TXNDC16: variants seen among roughly 807,000 people sequenced by gnomAD.
TXNDC16 encodes thioredoxin domain-containing protein 16.
A neutral mutation model predicts 85.6 loss-of-function variants in TXNDC16; 74 were observed. That is an observed-to-expected ratio of 0.86 (90% CI 0.72 to 1.05). TXNDC16 has a LOEUF of 1.05. Among genes scored for constraint, TXNDC16 ranks in the 50% least tolerant of loss-of-function variants. The pLI, the probability that TXNDC16 is intolerant of heterozygous loss-of-function variation, is 0.00. For synonymous variants in TXNDC16, 335 were observed against 326.5 expected (o/e 1.03, Z -0.28); for missense variants, 959 against 947.0 (o/e 1.01, Z -0.17).
At chr14:52,444,933 G>A (rs767708830) in intron 18 of TXNDC16, among the ~76,000 whole-genome samples, 1 of 151,986 alleles carries the variant, frequency 6.6e-6, no homozygotes, top group Non-Finnish European at 1.5e-5. Context: ...CCATCAAGAG[G>A]AAATGGGCTA....
intron 14 of TXNDC16, among the ~76,000 whole-genome samples, chr14:52,479,666 C>A (rs532804229): frequency 2.0e-5 from 3 of 151,886 alleles, no homozygotes. Flanking sequence ...TGAAAGAAAT[C>A]GTGGATGACA....
chr14:52,465,300 A>C (rs2140125997), intron 16 of TXNDC16, among the ~76,000 whole-genome samples: 1 of 152,280 alleles, frequency 6.6e-6, no homozygotes, highest in South Asian at 2.1e-4. Flanking sequence ...TAGTATAATG[A>C]AGTAAACATT....
In TXNDC16 at chr14:52,511,342, T is replaced by C; in HGVS notation, c.654A>G (p.Leu218=). The C allele has an allele frequency of 6.2e-7, 1 of 1,605,462 alleles. No individual in the cohort carries two copies. The highest frequency in any genetic ancestry group is 8.5e-7 in the Non-Finnish European group (1 of 1,174,304). ...YAHLYFFHCK[L]VLDLTQQCRR... ...TACATTGCTGGGTCAAGTCCAAGAC[T>C]AGTTTACAATGAAAAAAGTAGAGAT... Residue 218 remains leucine (L), a synonymous_variant, in exon 9 of 21, where the codon CTA becomes CTG. Transcript: ENST00000281741.
chr14:52,434,587 G>A (rs1223112992), intron 20 of TXNDC16, among the ~76,000 whole-genome samples: 1 of 151,606 alleles, frequency 6.6e-6, no homozygotes, highest in Admixed American at 6.5e-5. Context: ...ATTGCCAGTG[G>A]CCACAGTTTC....
In TXNDC16 at chr14:52,490,386, C is replaced by G. The variant is rs1208590740; in HGVS notation, c.984+5G>C. The stretch of plus-strand genomic sequence containing the variant: ...TATTGTAGAACAATACATAAAACAA[C>G]TAACCTCTTCTGCTCTTTTGAAGAC... On this transcript the variant is annotated splice_donor_5th_base_variant and intron_variant, in intron 11 of 20. Coordinates refer to ENST00000281741, the MANE Select transcript of TXNDC16 (RefSeq NM_020784.3). The G allele has an allele frequency of 6.3e-7, 1 of 1,585,470 alleles. No homozygotes were observed. The highest frequency in any genetic ancestry group is 1.2e-5 in the South Asian group (1 of 85,124).
At chr14:52,512,444 A>G (rs2036978121) in intron 8 of TXNDC16, among the ~76,000 whole-genome samples, 1 of 152,140 alleles carries the variant, frequency 6.6e-6, no homozygotes, top group Non-Finnish European at 1.5e-5. Context: ...CCCCTCCAAT[A>G]AGATAGGACA....
At chr14:52,506,561 T>G (rs1364801211) in intron 9 of TXNDC16, among the ~76,000 whole-genome samples, 15 of 133,262 alleles carry the variant, frequency 1.1e-4, no homozygotes, top group African/African-American at 4.4e-4. Flanking sequence ...TCTTTTTTCT[T>G]TTTTTTGAGA....
chr14:52,514,057 T>C, intron 8 of TXNDC16, among the ~76,000 whole-genome samples: 1 of 152,056 alleles, frequency 6.6e-6, no homozygotes, highest in Non-Finnish European at 1.5e-5. Flanking sequence ...AAAGGAATGC[T>C]GGTCAATGTC....
At chr14:52,519,067 A>G in intron 7 of TXNDC16, 105 bp downstream of exon 7, 3 of 1,170,734 alleles carry the variant, frequency 2.6e-6, no homozygotes, top group South Asian at 1.7e-5. Flanking sequence ...CTTTAGATTT[A>G]TTTTAAATAT....
intron 8 of TXNDC16, among the ~76,000 whole-genome samples, chr14:52,512,800 A>G (rs1388020247): frequency 6.6e-6 from 1 of 152,200 alleles, no homozygotes; most frequent in Non-Finnish European, 1.5e-5. Context: ...TTCGTTTGCC[A>G]TATTAACACT....
At chr14:52,515,306 T>C (rs113826254) in intron 7 of TXNDC16, among the ~76,000 whole-genome samples, 3 of 152,274 alleles carry the variant, frequency 2.0e-5, no homozygotes, top group Admixed American at 6.5e-5. Flanking sequence ...TATTTGTGTA[T>C]GTGTCTGTGT....
At chr14:52,490,329 C>A in intron 11 of TXNDC16, 62 bp downstream of exon 11, 2 of 1,138,066 alleles carry the variant, frequency 1.8e-6, no homozygotes, top group South Asian at 1.8e-5. Flanking sequence ...ATATTAAAGA[C>A]CACATATATT....
At chr14:52,448,897 C>T (rs1432099446) in intron 18 of TXNDC16, among the ~76,000 whole-genome samples, 4 of 151,834 alleles carry the variant, frequency 2.6e-5, no homozygotes, top group African/African-American at 9.7e-5. Flanking sequence ...CTTAAAATAA[C>T]AAGTTATAAG....
At position 52,439,347 on chromosome 14, in the gene TXNDC16, G is replaced by A; in HGVS notation, c.2051C>T (p.Pro684Leu). The A allele has an allele frequency of 6.2e-7, 1 of 1,613,954 alleles. No individual in the cohort carries two copies. The highest frequency in any genetic ancestry group is 8.5e-7 in the Non-Finnish European group (1 of 1,179,948). ...GRGILRAYFD[P>L]LPPLPLLVLV... ...AACAAGAAGAGGAAGGGGAGGCAGA[G>A]GATCAAAATATGCCCTCAAGATTCC... Residue 684 changes from proline to leucine, a missense_variant, in exon 20 of 21, where the codon CCT (proline) becomes CTT (leucine). Coordinates refer to ENST00000281741, the MANE Select transcript of TXNDC16 (RefSeq NM_020784.3).
chr14:52,459,038 T>C (rs1309136257), intron 16 of TXNDC16, among the ~76,000 whole-genome samples: 3 of 152,142 alleles, frequency 2.0e-5, no homozygotes, highest in African/African-American at 2.4e-5. Flanking sequence ...TGCCAAAATA[T>C]ATGGCAACCT....
intron 6 of TXNDC16, among the ~76,000 whole-genome samples, chr14:52,534,680 T>C (rs991601078): frequency 2.0e-5 from 3 of 152,204 alleles, no homozygotes; most frequent in African/African-American, 7.2e-5. Context: ...CCCTTCTCTG[T>C]GGATCCATTA....
intron 17 of TXNDC16, among the ~76,000 whole-genome samples, chr14:52,456,749 AATAAAACC>A: frequency 6.6e-6 from 1 of 152,168 alleles, no homozygotes; most frequent in Non-Finnish European, 1.5e-5. Flanking sequence ...CCAGGGGGTA[AATAAAACC>A]TCAGATGCTC....
chr14:52,505,781 G>A (rs1350915284), intron 9 of TXNDC16, among the ~76,000 whole-genome samples: 2 of 152,138 alleles, frequency 1.3e-5, no homozygotes, highest in Non-Finnish European at 2.9e-5. Flanking sequence ...AATGAATCCA[G>A]GAGCTGGTTT....
chr14:52,486,136 G>A (rs1023044165), intron 12 of TXNDC16, among the ~76,000 whole-genome samples: 2 of 151,498 alleles, frequency 1.3e-5, no homozygotes, highest in African/African-American at 4.9e-5. Context: ...TCATTTTCCT[G>A]TCAGTCTTCT....
Sources: allele counts gnomAD v4.1 joint callset (sites outside exome capture counted in the v4.1 genomes callset), GRCh38; gene constraint gnomAD v4.1.1; transcripts MANE v1.5; gene names NCBI Gene and HGNC (gene_info 2026-07-23, HGNC 2026-07-21).